Variants in CCDC88B observed in about 807,000 individuals in gnomAD.
CCDC88B encodes coiled-coil and HOOK domain protein 88B.
A neutral mutation model predicts 183.7 loss-of-function variants in CCDC88B; 138 were observed. The ratio of observed to expected loss-of-function variants is 0.75; its 90% CI spans 0.65 to 0.87. The LOEUF is 0.87. CCDC88B is among the 40% of genes least tolerant of loss of function. The pLI is 0.00. For missense variants in CCDC88B, 1,822 were observed against 1,965.6 expected (o/e 0.93, Z 1.38); for synonymous variants, 835 against 867.5 (o/e 0.96, Z 0.66).
intron 15 of CCDC88B, 31 bp from the exon 16 acceptor site, chr11:64,349,520 T>TGGTGGGGGGGGGGGGGGGGG: frequency 2.4e-6 from 1 of 423,984 alleles, no homozygotes; most frequent in East Asian, 8.0e-5. Context: ...GAGGGTGGGG[T>TGGTGGGGGGGGGGGGGGGGG]GGGGCTGGGT....
Position 64,343,910 on chromosome 11 carries a change from G to A in CCDC88B, c.1451G>A (p.Gly484Asp), listed in dbSNP as rs200602788. ...CAGGTGCTTCAGGGGCAGCCAGGGG[G>A]CCAGGTAAGTCCCCTCCCCCAGGGT... ...LLQVLQGQPG[G>D]QHPLLEAPRE... is the part of the protein sequence containing the mutation. The change falls in exon 13 of 27, where the codon GGC becomes GAC. Residue 484 changes from glycine to aspartate, a missense_variant. Coordinates refer to ENST00000356786, the MANE Select transcript of CCDC88B (RefSeq NM_032251.6). The A allele has an allele frequency of 4.7e-4, 749 of 1,601,426 alleles. 4 individuals carry two copies. In the East Asian group the frequency reaches 0.01, roughly 22 times the overall value.
At position 64,344,239 on chromosome 11, in the gene CCDC88B, C is replaced by A. The variant is rs1156440288; in HGVS notation, c.1698C>A (p.Ala566=). ...CAGAGAGTCCCCTTCAGGCAGCTGC[C>A]ATGGACCCCCAGGCCTCAGACTGGT... ...QEAESPLQAA[A]MDPQASDWSP... is the part of the protein sequence containing the mutation. The change falls in exon 14 of 27, where the codon GCC becomes GCA. Residue 566 remains alanine, a synonymous_variant. Transcript: ENST00000356786. This position sits in a 1 kb window ranked among gnomAD's most constrained non-coding sequence, Gnocchi z 4.5. 6.2e-7 allele frequency: 1 copy of A among 1,613,352 alleles called. No individual in the cohort carries two copies. Among genetic ancestry groups the A allele is most frequent in the Non-Finnish European group, 8.5e-7 (1 of 1,179,830 alleles).
chr11:64,343,387 C>T, intron 11 of CCDC88B, 62 bp downstream of exon 11: 1 of 1,539,282 alleles, frequency 6.5e-7, no homozygotes, highest in Non-Finnish European at 8.8e-7. Flanking sequence ...CATTGATTCC[C>T]TAGTGGTCCC....
intron 22 of CCDC88B, 73 bp from the exon 23 acceptor site, chr11:64,353,642 T>C: frequency 6.3e-7 from 1 of 1,592,840 alleles, no homozygotes; most frequent in Non-Finnish European, 8.6e-7. Context: ...GCGTCCTCGC[T>C]GCAGCTTGTG....
intron 16 of CCDC88B, among the ~76,000 whole-genome samples, chr11:64,350,935 A>C (rs1277444594): frequency 6.6e-6 from 1 of 152,230 alleles, no homozygotes; most frequent in Non-Finnish European, 1.5e-5. Context: ...TATGAGCAGA[A>C]GGCTCTGCCG....
intron 9 of CCDC88B, 38 bp from the exon 10 acceptor site, chr11:64,342,484 G>A: frequency 2.0e-6 from 3 of 1,529,644 alleles, no homozygotes; most frequent in Non-Finnish European, 1.8e-6. Context: ...CCTCTGGCCC[G>A]CGGCTGGCTG....
In CCDC88B at chr11:64,341,291, A is replaced by G. The variant is rs752965257; in HGVS notation, c.410A>G (p.Glu137Gly). ...GCAGAAGAAGCGGTGGAGCAGCTGG[A>G]AGGCGTTCTTCGGCTACTGTTGGGA... ...PLSEEAVEQLEGVLRLLLGAS... is the reference protein window; with the variant it reads ...PLSEEAVEQLGGVLRLLLGAS... Residue 137 changes from glutamate (E) to glycine (G), a missense_variant, in exon 5 of 27, where the codon GAA (glutamate) becomes GGA (glycine). Physicochemically the swap from Glu to Gly is moderately conservative, Grantham distance 98. Transcript: ENST00000356786. 4.3e-6 allele frequency: 7 copies of G among 1,614,052 alleles called. No individual in the cohort carries two copies. The highest frequency in any genetic ancestry group is 5.9e-6 in the Non-Finnish European group (7 of 1,179,990).
At chr11:64,347,793 G>A (rs1047137675) in intron 14 of CCDC88B, among the ~76,000 whole-genome samples, 1 of 152,196 alleles carries the variant, frequency 6.6e-6, no homozygotes, top group South Asian at 2.1e-4. Flanking sequence ...GCTCACACCT[G>A]TAATCCCAGC....
chr11:64,349,660 C>T lies in CCDC88B; in HGVS notation c.2854C>T (p.Leu952=). The T allele has an allele frequency of 6.3e-7, 1 of 1,592,452 alleles. No individual in the cohort carries two copies. The highest frequency in any genetic ancestry group is 1.1e-5 in the South Asian group (1 of 87,314). The part of the protein sequence containing the change: ...KTRALQLEEE[L]FQLRQGPAGL... Reference sequence around the variant, plus strand: ...CAGGGCCCTGCAGCTGGAAGAGGAGCTGTTCCAGGTGATGCCTGCCCGCCT... The same window carrying T: ...CAGGGCCCTGCAGCTGGAAGAGGAGTTGTTCCAGGTGATGCCTGCCCGCCT... Residue 952 remains leucine, a synonymous_variant, in exon 16 of 27, where the codon CTG becomes TTG. Coordinates refer to ENST00000356786, the MANE Select transcript of CCDC88B (RefSeq NM_032251.6).
At position 64,357,225 on chromosome 11, in the gene CCDC88B, CT is replaced by C. The variant is rs1402937795; in HGVS notation, c.*132del. 2 of 1,117,276 alleles carry C rather than the reference CT, an allele frequency of 1.8e-6. No homozygotes were observed. The highest frequency in any genetic ancestry group is 2.7e-6 in the Non-Finnish European group (2 of 734,586). The allele number at this position is 1,117,276 out of a possible 1,614,324, so 69.2% of individuals were successfully genotyped here. On this transcript the variant is annotated 3_prime_UTR_variant, in exon 27 of 27. Transcript: ENST00000356786. ...GTCCTTGGACAAGGAGGCCTGGGCC[CT>C]GAGATCCTCCACGGTCAGCGCCGGG...
rs1184139660 is a variant in CCDC88B, at chr11:64,349,247, G to A, written c.2617-84G>A. On this transcript the variant is annotated intron_variant, in intron 14 of 26. Transcript: ENST00000356786. ...TGCCCAGGATGGCAGGTCAAGGACA[G>A]AAAGGCAGCTCTCTTGACTCTCAGG... The A allele has an allele frequency of 2.1e-6, 3 of 1,459,462 alleles. No homozygotes were observed. In the African/African-American group the frequency reaches 4.2e-5, roughly 21 times the overall value. 90.4% of individuals were successfully genotyped at this position (1,459,462 alleles called of 1,614,324 possible).
chr11:64,342,050 C>G lies in CCDC88B; in HGVS notation c.732C>G (p.Pro244=). 6.2e-7 allele frequency: 1 copy of G among 1,612,208 alleles called. No individual in the cohort carries two copies. Among genetic ancestry groups the G allele is most frequent in the South Asian group, 1.1e-5 (1 of 91,044 alleles). The part of the protein sequence containing the change: ...REPLCLRPEA[P]SRAPAEGPSH... ...CCCTCTGCTTGAGGCCTGAGGCTCC[C>G]TCTAGGGCTCCCGCCGAGGGCCCCT... The change falls in exon 8 of 27, where the codon CCC becomes CCG. Residue 244 remains proline, a synonymous_variant. Transcript: ENST00000356786.
intron 14 of CCDC88B, chr11:64,349,047 A>G: frequency 2.8e-6 from 2 of 717,476 alleles, no homozygotes; most frequent in Non-Finnish European, 5.2e-6. Flanking sequence ...CCGTGGGCTC[A>G]GAGAGGTGAC....
intron 14 of CCDC88B, 46 bp downstream of exon 14, chr11:64,345,203 C>T (rs1260980169): frequency 2.0e-6 from 3 of 1,524,924 alleles, no homozygotes; most frequent in South Asian, 1.2e-5. Flanking sequence ...AGCAGAGTTC[C>T]AGGCTGTTGG....
chr11:64,341,198 C>A lies in CCDC88B; in HGVS notation c.388+20C>A. 1 of 1,614,082 alleles carries A rather than the reference C, an allele frequency of 6.2e-7. No individual in the cohort carries two copies. Among genetic ancestry groups the A allele is most frequent in the South Asian group, 1.1e-5 (1 of 91,080 alleles). ...TCTCAGGTGCTCTCCCCACCCACAC[C>A]CTCCTGCCTCTGCCCCCGCACTACT... On this transcript the variant is annotated intron_variant, in intron 4 of 26. Transcript: ENST00000356786.
intron 1 of CCDC88B, 66 bp downstream of exon 1, chr11:64,340,392 G>T (rs1377613569): frequency 6.3e-6 from 8 of 1,276,758 alleles, no homozygotes; most frequent in Non-Finnish European, 8.1e-6. Flanking sequence ...TGGTGTTGGC[G>T]CTGGCCGGGG....
At chr11:64,353,005 G>A (rs377619787) in intron 20 of CCDC88B, 49 bp from the exon 21 acceptor site, 59 of 1,529,362 alleles carry the variant, frequency 3.9e-5, no homozygotes, top group Non-Finnish European at 4.5e-5. Flanking sequence ...GCCAGCACTC[G>A]GACTGGGGAC....
In CCDC88B at chr11:64,341,940, G is replaced by T. The variant is rs747260415; in HGVS notation, c.676-54G>T. ...ATGTCTGGTGTTGTGGTTGGGGGTCGATGTGCAGAGGCATTGGATAAGTTA... is the reference window on the plus strand; with the variant it reads ...ATGTCTGGTGTTGTGGTTGGGGGTCTATGTGCAGAGGCATTGGATAAGTTA... On this transcript the variant is annotated intron_variant, in intron 7 of 26. Transcript: ENST00000356786. The T allele has an allele frequency of 1.9e-6, 3 of 1,565,942 alleles. No individual in the cohort carries two copies. In the Admixed American group the frequency reaches 5.1e-5, roughly 27 times the overall value.
rs2036253153 is a variant in CCDC88B, at chr11:64,349,629, C to G, written c.2823C>G (p.Leu941=). The change falls in exon 16 of 27, where the codon CTC becomes CTG. Residue 941 remains leucine (L), a synonymous_variant. Transcript: ENST00000356786. ...ATSKEEALME[L]KTRALQLEEE... Reference sequence around the variant, plus strand: ...GCAAGGAGGAGGCGCTGATGGAGCTCAAGACCAGGGCCCTGCAGCTGGAAG... The same window carrying G: ...GCAAGGAGGAGGCGCTGATGGAGCTGAAGACCAGGGCCCTGCAGCTGGAAG... The G allele has an allele frequency of 6.2e-7, 1 of 1,600,084 alleles. No individual in the cohort carries two copies.
Sources: gnomAD v4.1 joint callset for allele counts (sites outside exome capture counted in the v4.1 genomes callset) on GRCh38, gnomAD v4.1.1 for gene constraint, Gnocchi (gnomAD v3.1) non-coding constraint, MANE v1.5 for transcripts, NCBI Gene and HGNC (gene_info 2026-07-23, HGNC 2026-07-21) for gene names.